Variants in KREMEN1 observed in about 807,000 individuals in gnomAD.
KREMEN1 encodes the protein kremen protein 1.
Under a neutral mutation model 46.5 loss-of-function variants are expected in KREMEN1, and 30 were observed. That is an observed-to-expected ratio of 0.65 (90% CI 0.48 to 0.88). The LOEUF is 0.88. KREMEN1 is among the 40% of genes least tolerant of loss of function. KREMEN1 has a pLI of 0.00. For missense variants in KREMEN1, 533 were observed against 596.9 expected, an observed-to-expected ratio of 0.89 and a Z score of 1.11; for synonymous variants, 214 against 230.6, an observed-to-expected ratio of 0.93 and a Z score of 0.65.
At chr22:29,127,557 G>T (rs1336863633) in intron 5 of KREMEN1, among the ~76,000 whole-genome samples, 1 of 152,120 alleles carries the variant, frequency 6.6e-6, no homozygotes, top group Non-Finnish European at 1.5e-5. Flanking sequence ...CAGCTACTCG[G>T]GAGGCTGAGG....
chr22:29,143,703 C>G lies in KREMEN1; in HGVS notation c.*1591C>G. The stretch of plus-strand genomic sequence containing the variant: ...CTTGCAGTGAGCAGAGATCACGCCA[C>G]TGCACTCCAGCCTGGGTGACAGTGC... On this transcript the variant is annotated 3_prime_UTR_variant, in exon 9 of 9. Transcript: ENST00000400335. The G allele has an allele frequency of 5.3e-6, 5 of 940,650 alleles. No individual in the cohort carries two copies. Among genetic ancestry groups the G allele is most frequent in the Non-Finnish European group, 6.3e-6 (5 of 789,822 alleles). 58.3% of individuals were successfully genotyped at this position (940,650 alleles called of 1,614,324 possible).
intron 5 of KREMEN1, among the ~76,000 whole-genome samples, chr22:29,133,426 G>C (rs1326192641): frequency 6.6e-6 from 1 of 151,590 alleles, no homozygotes; most frequent in Non-Finnish European, 1.5e-5. Context: ...TTAGCCTCCT[G>C]AGTAGCTGGG....
rs2038861574 is a variant in KREMEN1 at position 29,146,294 on chromosome 22, A to T, written c.*4182A>T. On this transcript the variant is annotated 3_prime_UTR_variant, in exon 9 of 9. Coordinates refer to ENST00000400335, the MANE Select transcript of KREMEN1 (RefSeq NM_001039570.3). ...GTGTGGGGTGTTTTTCAAGCCTTCC[A>T]GCCACAGCTGTCTCCCCTCAGGCTG... The T allele has an allele frequency of 1.0e-6, 1 of 985,780 alleles. No homozygotes were observed. Among genetic ancestry groups the T allele is most frequent in the Non-Finnish European group, 1.2e-6 (1 of 830,006 alleles). The allele number at this position is 985,780 out of a possible 1,614,324, so 61.1% of individuals were successfully genotyped here.
chr22:29,159,694 A>G (rs1409193898), intron 9 of KREMEN1, among the ~76,000 whole-genome samples: 5 of 152,238 alleles, frequency 3.3e-5, no homozygotes, highest in African/African-American at 1.2e-4. Flanking sequence ...TCTCCTTGCT[A>G]AGGAGCAAGA....
intron 1 of KREMEN1, among the ~76,000 whole-genome samples, chr22:29,079,548 CAA>C (rs1395109645): frequency 1.3e-5 from 2 of 152,240 alleles, no homozygotes; most frequent in Admixed American, 1.3e-4. Context: ...CTTCCAAACC[CAA>C]GTGTCACACC....
At chr22:29,112,022 A>G (rs914022099) in intron 3 of KREMEN1, among the ~76,000 whole-genome samples, 25 of 152,142 alleles carry the variant, frequency 1.6e-4, no homozygotes, top group African/African-American at 5.8e-4. Context: ...ATCCCAAGAA[A>G]CTAGAAAGAA....
exon 10 of KREMEN1, chr22:29,167,595 A>G (rs2039064699): frequency 6.3e-6 from 1 of 159,670 alleles, no homozygotes; most frequent in Admixed American, 6.2e-5. Flanking sequence ...GCCATGTTTT[A>G]TCATCTGGAA....
chr22:29,132,632 G>T (rs181598824), intron 5 of KREMEN1, among the ~76,000 whole-genome samples: 256 of 152,320 alleles, frequency 1.7e-3, no homozygotes, highest in African/African-American at 5.7e-3. Context: ...AATTACCAAT[G>T]ATATTGAACA....
intron 3 of KREMEN1, among the ~76,000 whole-genome samples, chr22:29,109,574 A>T (rs1216523129): frequency 6.6e-6 from 1 of 152,156 alleles, no homozygotes; most frequent in Non-Finnish European, 1.5e-5. Context: ...CACAGAATTG[A>T]TGAGTGTGTG....
chr22:29,155,262 C>CAGTT (rs2038951517), intron 9 of KREMEN1, among the ~76,000 whole-genome samples: 1 of 152,150 alleles, frequency 6.6e-6, no homozygotes, highest in South Asian at 2.1e-4. Flanking sequence ...AGGCCAGGGG[C>CAGTT]AGTTGCTTAC....
In KREMEN1 at chr22:29,118,725, C is replaced by T. The variant is rs2038283504; in HGVS notation, c.353-2632C>T. On this transcript the variant is annotated intron_variant, in intron 3 of 8. Transcript: ENST00000400335. Reference sequence around the variant, plus strand: ...GATACCTTCATATTGGGAATTCAGGCTTCAATATATTAATTTTAGGGAGTA... The same window carrying T: ...GATACCTTCATATTGGGAATTCAGGTTTCAATATATTAATTTTAGGGAGTA... 3.3e-5 allele frequency among the ~76,000 whole-genome samples: 5 copies of T among 152,192 alleles called. No individual in the cohort carries two copies. In the South Asian group the frequency reaches 6.2e-4, roughly 19 times the overall value.
At chr22:29,083,040 G>A (rs570547262) in intron 1 of KREMEN1, among the ~76,000 whole-genome samples, 14 of 152,262 alleles carry the variant, frequency 9.2e-5, no homozygotes, top group African/African-American at 3.1e-4. Flanking sequence ...CTCCCGAGTA[G>A]CTGGGAGGTA....
intron 1 of KREMEN1, among the ~76,000 whole-genome samples, chr22:29,081,813 G>A (rs2037659649): frequency 6.6e-6 from 1 of 152,188 alleles, no homozygotes; most frequent in Non-Finnish European, 1.5e-5. Flanking sequence ...TTATCCCTGT[G>A]CCAATTGACA....
chr22:29,147,335 A>G (rs1277669884), downstream of KREMEN1, among the ~76,000 whole-genome samples: 2 of 152,300 alleles, frequency 1.3e-5, no homozygotes, highest in East Asian at 3.9e-4. Flanking sequence ...CTTCTTAGGA[A>G]GGAAAGAAGC....
At chr22:29,131,552 A>G (rs1293176546) in intron 5 of KREMEN1, among the ~76,000 whole-genome samples, 21 of 66,986 alleles carry the variant, frequency 3.1e-4, no homozygotes, top group South Asian at 1.9e-3. Flanking sequence ...ATATATATAT[A>G]TATATATATG....
intron 3 of KREMEN1, among the ~76,000 whole-genome samples, chr22:29,113,948 C>T (rs1335724552): frequency 6.6e-6 from 1 of 152,196 alleles, no homozygotes; most frequent in Non-Finnish European, 1.5e-5. Flanking sequence ...CAGGCATTGA[C>T]AGTAATAAGA....
chr22:29,166,767 C>T (rs1186141940), intron 9 of KREMEN1, among the ~76,000 whole-genome samples: 1 of 151,808 alleles, frequency 6.6e-6, no homozygotes, highest in Non-Finnish European at 1.5e-5. Flanking sequence ...AGTGAGACCC[C>T]ATCTTTCAAA....
rs2037495315 is a variant in KREMEN1 at position 29,073,113 on chromosome 22, G to T, written c.-18G>T. The T allele has an allele frequency of 3.1e-6, 3 of 965,826 alleles. No homozygotes were observed. The highest frequency in any genetic ancestry group is 3.7e-6 in the Non-Finnish European group (3 of 803,780). The allele number at this position is 965,826 out of a possible 1,614,324, so 59.8% of individuals were successfully genotyped here. ...CCTTTACCCCGGGCCGCGCCCCGGG[G>T]CCCCGCACTGACGGCCCATGGCGCC... On this transcript the variant is annotated 5_prime_UTR_variant, in exon 1 of 9. Transcript: ENST00000400335. This position sits in a 1 kb window ranked among gnomAD's most constrained non-coding sequence, Gnocchi z 4.4.
At chr22:29,136,984 T>C (rs1215863981) in intron 5 of KREMEN1, among the ~76,000 whole-genome samples, 1 of 152,168 alleles carries the variant, frequency 6.6e-6, no homozygotes, top group Admixed American at 6.5e-5. Context: ...CAGGAGCAGA[T>C]GGTGCTCTCT....
Sources: gnomAD v4.1 joint callset for allele counts (sites outside exome capture counted in the v4.1 genomes callset) on GRCh38, gnomAD v4.1.1 for gene constraint, Gnocchi (gnomAD v3.1) non-coding constraint, MANE v1.5 for transcripts, NCBI Gene and HGNC (gene_info 2026-07-23, HGNC 2026-07-21) for gene names.